CCBE1: variants seen among roughly 807,000 people sequenced by gnomAD.
CCBE1 encodes the protein collagen and calcium binding EGF domains 1.
A neutral mutation model predicts 50.0 loss-of-function variants in CCBE1; 37 were observed. That is an observed-to-expected ratio of 0.74 (90% CI 0.57 to 0.97). The LOEUF is 0.97. Among genes scored for constraint, CCBE1 ranks in the 50% least tolerant of loss-of-function variants. CCBE1 has a pLI of 0.00. For missense variants in CCBE1, 538 were observed against 523.8 expected, an observed-to-expected ratio of 1.03 and a Z score of -0.26; for synonymous variants, 234 against 203.7, an observed-to-expected ratio of 1.15 and a Z score of -1.27.
chr18:59,513,238 G>A (rs1261712353), intron 2 of CCBE1, among the ~76,000 whole-genome samples: 1 of 152,216 alleles, frequency 6.6e-6, no homozygotes, highest in Non-Finnish European at 1.5e-5. Context: ...AACCGGGGAA[G>A]CAGAGATTGT....
At chr18:59,697,129 C>T in intron 1 of CCBE1, 83 bp downstream of exon 1, 4 of 1,527,084 alleles carry the variant, frequency 2.6e-6, no homozygotes, top group South Asian at 1.2e-5. Context: ...TGGGAGTGGG[C>T]GCCGGGGAGG....
chr18:59,516,578 T>G (rs771154334), intron 2 of CCBE1, among the ~76,000 whole-genome samples: 5 of 152,232 alleles, frequency 3.3e-5, no homozygotes, highest in Non-Finnish European at 5.9e-5. Context: ...AGGGGGTCAC[T>G]GCAGTTTATC....
rs549206037 is a variant in CCBE1 at position 59,695,138 on chromosome 18, G to T, written c.212+1491C>A. On this transcript the variant is annotated intron_variant, in intron 2 of 10. Transcript: ENST00000439986. Reference sequence around the variant, plus strand: ...TGTAACTGTCACTGATTTATGTGAAGTCCGACCTTCAGGGACTGAAAAAAT... The same window carrying T: ...TGTAACTGTCACTGATTTATGTGAATTCCGACCTTCAGGGACTGAAAAAAT... 4.6e-5 allele frequency among the ~76,000 whole-genome samples: 7 copies of T among 152,320 alleles called. No individual in the cohort carries two copies. The East Asian group carries it at 1.3e-3, about 29-fold the overall frequency.
intron 2 of CCBE1, among the ~76,000 whole-genome samples, chr18:59,619,733 C>T (rs2053687291): frequency 6.6e-6 from 1 of 152,158 alleles, no homozygotes; most frequent in African/African-American, 2.4e-5. Context: ...ATCTCATTGG[C>T]TTATGGTTCC....
intron 2 of CCBE1, among the ~76,000 whole-genome samples, chr18:59,533,331 G>A (rs1944990): frequency 1 from 152,174 of 152,332 alleles, 76,008 homozygotes; most frequent in Middle Eastern, 1. Flanking sequence ...TGAAATAGAC[G>A]AAAATTGAAA....
At chr18:59,504,645 T>A (rs950501833) in intron 2 of CCBE1, among the ~76,000 whole-genome samples, 1 of 152,196 alleles carries the variant, frequency 6.6e-6, no homozygotes, top group African/African-American at 2.4e-5. Flanking sequence ...TTAAAGTGGA[T>A]GTGCCTTAGA....
At chr18:59,529,389 C>T (rs927562306) in intron 2 of CCBE1, among the ~76,000 whole-genome samples, 1 of 152,218 alleles carries the variant, frequency 6.6e-6, no homozygotes, top group Non-Finnish European at 1.5e-5. Context: ...ATGATGGCCA[C>T]CTCTCTCCCC....
At chr18:59,547,051 G>GA (rs775722937) in intron 2 of CCBE1, among the ~76,000 whole-genome samples, 1,947 of 98,434 alleles carry the variant, frequency 0.02, 95 homozygotes, top group Non-Finnish European at 0.032. Context: ...GGGGGAGAGA[G>GA]GGGGAGAGAG....
Position 59,466,990 on chromosome 18 carries a change from G to A in CCBE1, c.401-99C>T, listed in dbSNP as rs1911781875. On this transcript the variant is annotated intron_variant, in intron 4 of 10. Coordinates refer to ENST00000439986, the MANE Select transcript of CCBE1 (RefSeq NM_133459.4). ...TTGCCTCTCTGTTAATAACAATGAA[G>A]GACACTTGGGCCGACCTTGATCAGA... The A allele has an allele frequency of 1.1e-5, 12 of 1,081,592 alleles. No individual in the cohort carries two copies. The South Asian group carries it at 1.4e-4, about 13-fold the overall frequency. 67.0% of individuals were successfully genotyped at this position (1,081,592 alleles called of 1,614,324 possible).
intron 2 of CCBE1, among the ~76,000 whole-genome samples, chr18:59,542,487 G>T (rs1915508879): frequency 1.3e-5 from 2 of 152,068 alleles, no homozygotes; most frequent in Non-Finnish European, 2.9e-5. Flanking sequence ...TATAAAAACA[G>T]ACACTTAAAA....
At chr18:59,531,956 A>T (rs1915069689) in intron 2 of CCBE1, among the ~76,000 whole-genome samples, 1 of 152,250 alleles carries the variant, frequency 6.6e-6, no homozygotes, top group Admixed American at 6.5e-5. Flanking sequence ...TAAAATGACC[A>T]TGTATCACAA....
At chr18:59,447,180 TC>T (rs1910712511) in intron 7 of CCBE1, among the ~76,000 whole-genome samples, 1 of 152,210 alleles carries the variant, frequency 6.6e-6, no homozygotes, top group Non-Finnish European at 1.5e-5. Context: ...CACAAGAATT[TC>T]TTTATACACA....
chr18:59,517,627 T>C (rs1365253378), intron 2 of CCBE1, among the ~76,000 whole-genome samples: 2 of 152,234 alleles, frequency 1.3e-5, no homozygotes, highest in South Asian at 2.1e-4. Context: ...GGTGTCTAAA[T>C]TGATTTGACA....
At chr18:59,511,589 A>G (rs1162937556) in intron 2 of CCBE1, among the ~76,000 whole-genome samples, 1 of 152,202 alleles carries the variant, frequency 6.6e-6, no homozygotes, top group African/African-American at 2.4e-5. Flanking sequence ...CATCACCTTA[A>G]ACATTTATCT....
intron 6 of CCBE1, among the ~76,000 whole-genome samples, chr18:59,451,249 G>C (rs2143660356): frequency 6.6e-6 from 1 of 152,016 alleles, no homozygotes; most frequent in South Asian, 2.1e-4. Flanking sequence ...TAAGAGTAGA[G>C]AGAGAAATTC....
chr18:59,533,724 C>G (rs1260352151), intron 2 of CCBE1, among the ~76,000 whole-genome samples: 1 of 152,114 alleles, frequency 6.6e-6, no homozygotes, highest in Non-Finnish European at 1.5e-5. Flanking sequence ...CTCCCCTGTA[C>G]CATGCATTAA....
chr18:59,644,687 T>G (rs1230473058), intron 2 of CCBE1, among the ~76,000 whole-genome samples: 1 of 152,196 alleles, frequency 6.6e-6, no homozygotes, highest in African/African-American at 2.4e-5. Flanking sequence ...AATGTCTGTG[T>G]GTACACATGC....
chr18:59,556,790 G>C (rs142497310), intron 2 of CCBE1, among the ~76,000 whole-genome samples: 1 of 152,150 alleles, frequency 6.6e-6, no homozygotes. Context: ...GAGGTATTCC[G>C]TACAAGTCAA....
intron 2 of CCBE1, among the ~76,000 whole-genome samples, chr18:59,691,218 CCT>C (rs2054727087): frequency 6.6e-6 from 1 of 152,200 alleles, no homozygotes; most frequent in Non-Finnish European, 1.5e-5. Context: ...ATGGAGCTAG[CCT>C]CTGAGGATAT....
Sources: gnomAD v4.1 joint callset for allele counts (sites outside exome capture counted in the v4.1 genomes callset) on GRCh38, gnomAD v4.1.1 for gene constraint, MANE v1.5 for transcripts, NCBI Gene and HGNC (gene_info 2026-07-23, HGNC 2026-07-21) for gene names.